CLVS2: variants seen among roughly 807,000 people sequenced by gnomAD.
CLVS2 encodes the protein clavesin-2.
Under a neutral mutation model 29.0 loss-of-function variants are expected in CLVS2, and 19 were observed. The ratio of observed to expected loss-of-function variants is 0.66; its 90% CI spans 0.46 to 0.96. The LOEUF (loss-of-function observed/expected upper bound fraction) is 0.96. Ranked by LOEUF, CLVS2 falls within the 40% of genes least tolerant of loss-of-function variation. The pLI, the probability that CLVS2 is intolerant of heterozygous loss-of-function variation, is 0.00. For synonymous variants in CLVS2, 161 were observed against 151.3 expected (o/e 1.06, Z -0.47); for missense variants, 294 against 404.1 (o/e 0.73, Z 2.34).
At chr6:123,058,513 C>A (rs1772727596) in intron 5 of CLVS2, among the ~76,000 whole-genome samples, 1 of 152,200 alleles carries the variant, frequency 6.6e-6, no homozygotes, top group Admixed American at 6.5e-5. Flanking sequence ...CTGCACCCAC[C>A]CCCTAAAAAT....
At chr6:123,022,600 T>G (rs1026458414) in intron 3 of CLVS2, among the ~76,000 whole-genome samples, 1 of 151,902 alleles carries the variant, frequency 6.6e-6, no homozygotes, top group Admixed American at 6.6e-5. Context: ...CAGAGAGGTC[T>G]TTTTCCCCCC....
At chr6:123,007,835 A>G (rs1052691840) in intron 2 of CLVS2, among the ~76,000 whole-genome samples, 8 of 152,196 alleles carry the variant, frequency 5.3e-5, no homozygotes, top group African/African-American at 1.7e-4. Context: ...CTTTCAGCAT[A>G]CAAGAGAAGA....
At chr6:123,056,302 T>C (rs1157182130) in intron 5 of CLVS2, among the ~76,000 whole-genome samples, 1 of 152,136 alleles carries the variant, frequency 6.6e-6, no homozygotes, top group African/African-American at 2.4e-5. Context: ...GTATGATAGA[T>C]CTCCCAAACT....
At chr6:123,018,560 A>G (rs981170505) in intron 3 of CLVS2, among the ~76,000 whole-genome samples, 3 of 151,954 alleles carry the variant, frequency 2.0e-5, no homozygotes, top group African/African-American at 7.2e-5. Flanking sequence ...TATTGCCAGA[A>G]TCTTAGAAGT....
intron 4 of CLVS2, 84 bp from the exon 5 acceptor site, chr6:123,055,722 A>T (rs1033944404): frequency 5.7e-5 from 54 of 954,388 alleles, no homozygotes; most frequent in Admixed American, 1.1e-4. Context: ...TGCTATTGCT[A>T]TCCTCACATC....
chr6:123,060,943 A>G (rs1772768414), intron 5 of CLVS2, among the ~76,000 whole-genome samples: 1 of 152,242 alleles, frequency 6.6e-6, no homozygotes, highest in African/African-American at 2.4e-5. Context: ...CTAAATCTAA[A>G]TTACTAGTTT....
intron 2 of CLVS2, among the ~76,000 whole-genome samples, chr6:123,009,006 T>G (rs1774711676): frequency 6.6e-6 from 1 of 152,146 alleles, no homozygotes; most frequent in African/African-American, 2.4e-5. Context: ...AGATTATCAT[T>G]TCTGATTTAT....
rs9482324 is a variant in CLVS2, at chr6:123,028,820, T to C, written c.564+17661T>C. ...TTCTCTTCATGACGTAGTTTTAAAA[T>C]AGTGTATTATTCACCTTCTAAACTC... On this transcript the variant is annotated intron_variant, in intron 3 of 5. Coordinates refer to ENST00000275162, the MANE Select transcript of CLVS2 (RefSeq NM_001010852.4). Among the ~76,000 whole-genome samples, 680 of 152,298 alleles carry C rather than the reference T, an allele frequency of 4.5e-3. 5 individuals are homozygous for C. The highest frequency in any genetic ancestry group is 0.015 in the African/African-American group (635 of 41,564).
chr6:123,027,347 A>G (rs1020375012), intron 3 of CLVS2, among the ~76,000 whole-genome samples: 2 of 152,188 alleles, frequency 1.3e-5, no homozygotes, highest in African/African-American at 2.4e-5. Flanking sequence ...TTCAAGGAGT[A>G]AGAAGTTTAG....
At chr6:123,058,589 G>A (rs1772728277) in intron 5 of CLVS2, among the ~76,000 whole-genome samples, 1 of 152,008 alleles carries the variant, frequency 6.6e-6, no homozygotes, top group Non-Finnish European at 1.5e-5. Context: ...TATCCACATG[G>A]CAATCCAAAA....
At chr6:123,032,447 A>C (rs1183291021) in intron 3 of CLVS2, among the ~76,000 whole-genome samples, 1 of 152,088 alleles carries the variant, frequency 6.6e-6, no homozygotes, top group Non-Finnish European at 1.5e-5. Context: ...TATCGAGTAA[A>C]AAATCTTATT....
At chr6:123,011,730 G>A (rs1277733370) in intron 3 of CLVS2, among the ~76,000 whole-genome samples, 1 of 151,830 alleles carries the variant, frequency 6.6e-6, no homozygotes, top group East Asian at 1.9e-4. Flanking sequence ...AACTACTTGG[G>A]AATTAGAAGA....
rs939126261 is a variant in CLVS2 at position 123,071,622 on chromosome 6, T to C, written c.*7861T>C. 6.6e-6 allele frequency: 1 copy of C among 151,948 alleles called. No individual in the cohort carries two copies. The highest frequency in any genetic ancestry group is 2.1e-4 in the South Asian group (1 of 4,824). 9.4% of individuals were successfully genotyped at this position (151,948 alleles called of 1,614,324 possible). A position where few individuals can be genotyped will look rare whatever the true frequency, so the allele number is the denominator to read the frequency against. ...TATAATTCCAGTATTGGAAGCCAGT[T>C]TAAGAGAATATGACTATGTAGTTAC... On this transcript the variant is annotated 3_prime_UTR_variant, in exon 6 of 6. Transcript: ENST00000275162.
chr6:123,027,567 C>G (rs1157189497), intron 3 of CLVS2, among the ~76,000 whole-genome samples: 1 of 152,156 alleles, frequency 6.6e-6, no homozygotes, highest in African/African-American at 2.4e-5. Flanking sequence ...TGTTCAGTCT[C>G]TCCTGTGCAT....
intron 2 of CLVS2, among the ~76,000 whole-genome samples, chr6:123,007,655 C>T (rs1774688264): frequency 6.6e-6 from 1 of 152,206 alleles, no homozygotes; most frequent in East Asian, 1.9e-4. Flanking sequence ...GAGCAGTATT[C>T]TACATAGTCT....
At chr6:123,018,283 G>A (rs1029523745) in intron 3 of CLVS2, among the ~76,000 whole-genome samples, 2 of 152,014 alleles carry the variant, frequency 1.3e-5, no homozygotes, top group East Asian at 1.9e-4. Flanking sequence ...GCATCTTGAT[G>A]TGTTCTTCTT....
At position 123,043,702 on chromosome 6, in the gene CLVS2, T is replaced by G. The variant is rs78955603; in HGVS notation, c.565-4920T>G. ...ATTTAATTCTTATAGAAAAGTTCAT[T>G]TTGCTCTCATTTGGAGCCATAAACT... is the stretch of plus-strand genomic sequence containing the variant. On this transcript the variant is annotated intron_variant, in intron 3 of 5. Transcript: ENST00000275162. 9.0e-3 allele frequency among the ~76,000 whole-genome samples: 1,366 copies of G among 152,280 alleles called. 23 individuals carry two copies. Among genetic ancestry groups the G allele is most frequent in the African/African-American group, 0.03 (1,267 of 41,566 alleles).
intron 2 of CLVS2, among the ~76,000 whole-genome samples, chr6:123,000,205 G>A (rs1394489110): frequency 6.6e-6 from 1 of 151,978 alleles, no homozygotes; most frequent in African/African-American, 2.4e-5. Flanking sequence ...CTATTTCTAT[G>A]GTTGGAAATA....
intron 3 of CLVS2, among the ~76,000 whole-genome samples, chr6:123,037,192 C>A (rs1357215212): frequency 6.6e-6 from 1 of 152,038 alleles, no homozygotes; most frequent in Non-Finnish European, 1.5e-5. Context: ...AAATATGATT[C>A]TTTTCAGTTT....
Sources: allele counts gnomAD v4.1 joint callset (sites outside exome capture counted in the v4.1 genomes callset), GRCh38; gene constraint gnomAD v4.1.1; transcripts MANE v1.5; gene names NCBI Gene and HGNC (gene_info 2026-07-23, HGNC 2026-07-21).